The following GRIA4 variants were observed in gnomAD, a reference collection of about 807,000 sequenced individuals.
The protein encoded by GRIA4 is glutamate receptor 4.
GRIA4 carries 34 observed loss-of-function variants against 104.0 expected under a neutral mutation model. The observed-to-expected ratio is 0.33, with a 90% CI of 0.25 to 0.44. The LOEUF is 0.44. Among genes scored for constraint, GRIA4 ranks in the 20% least tolerant of loss-of-function variants. The probability of loss-of-function intolerance (pLI) is 1.00; values close to 1 mark genes in which losing one functional copy is unlikely to be tolerated. For synonymous variants in GRIA4, 386 were observed against 381.9 expected, an observed-to-expected ratio of 1.01 and a Z score of -0.13; for missense variants, 750 against 1,096.5, an observed-to-expected ratio of 0.68 and a Z score of 4.46.
chr11:105,932,706 G>A (rs1338952759), intron 13 of GRIA4, among the ~76,000 whole-genome samples: 1 of 152,014 alleles, frequency 6.6e-6, no homozygotes, highest in East Asian at 1.9e-4. Context: ...TGGAAAATAG[G>A]AATCACTTCT....
At chr11:105,618,845 G>T (rs1362446555) in intron 3 of GRIA4, among the ~76,000 whole-genome samples, 1 of 151,828 alleles carries the variant, frequency 6.6e-6, no homozygotes, top group Non-Finnish European at 1.5e-5. Context: ...GAGGGGAAGA[G>T]AGAGGAAACA....
intron 4 of GRIA4, among the ~76,000 whole-genome samples, chr11:105,845,827 C>T (rs1241503203): frequency 6.6e-6 from 1 of 152,082 alleles, no homozygotes; most frequent in Non-Finnish European, 1.5e-5. Context: ...GGAGTCGGAG[C>T]TTGCAGTGAG....
At chr11:105,807,146 T>C (rs1430756159) in intron 4 of GRIA4, among the ~76,000 whole-genome samples, 1 of 151,836 alleles carries the variant, frequency 6.6e-6, no homozygotes, top group Non-Finnish European at 1.5e-5. Context: ...TTTATGTCAT[T>C]ATGTAATTTA....
chr11:105,979,744 C>T lies in GRIA4; in HGVS notation c.*5C>T. On this transcript the variant is annotated 3_prime_UTR_variant, in exon 17 of 17. Transcript: ENST00000282499. ...ATTGCATCGGACCTACCATAAAAAC[C>T]AAAAAAATAATTGAGTGCCTTAATT... The T allele has an allele frequency of 6.2e-7, 1 of 1,605,424 alleles. No homozygotes were observed. Among genetic ancestry groups the T allele is most frequent in the Non-Finnish European group, 8.5e-7 (1 of 1,175,094 alleles).
intron 3 of GRIA4, among the ~76,000 whole-genome samples, chr11:105,648,669 G>T (rs1454890633): frequency 6.6e-6 from 1 of 152,052 alleles, no homozygotes; most frequent in African/African-American, 2.4e-5. Context: ...GAAATCGAGA[G>T]AGGCTAAAAG....
At chr11:105,756,177 C>T (rs1035614072) in intron 4 of GRIA4, among the ~76,000 whole-genome samples, 22 of 152,126 alleles carry the variant, frequency 1.4e-4, no homozygotes, top group African/African-American at 5.1e-4. Context: ...GCAGATATCT[C>T]CAAGGAATAT....
intron 3 of GRIA4, among the ~76,000 whole-genome samples, chr11:105,727,057 G>A (rs1938256522): frequency 6.6e-6 from 1 of 152,008 alleles, no homozygotes; most frequent in Non-Finnish European, 1.5e-5. Flanking sequence ...ACAGAAGTAG[G>A]CTTTAGAAGG....
Position 105,787,472 on chromosome 11 carries a change from CTTTTTTTTT to C in GRIA4, c.487+34265_487+34273del, listed in dbSNP as rs67901321. On this transcript the variant is annotated intron_variant, in intron 4 of 16. Coordinates refer to ENST00000282499, the MANE Select transcript of GRIA4 (RefSeq NM_000829.4). ...GCAGTCTAAAAGATGTAAAGAATTCCTTTTTTTTTTTTTTTTTTTTTGAGATGGAGTCTT... is the reference window on the plus strand; with the variant it reads ...GCAGTCTAAAAGATGTAAAGAATTCCTTTTTTTTTTTTGAGATGGAGTCTT... Among the ~76,000 whole-genome samples the C allele has an allele frequency of 9.1e-5, 9 of 98,618 alleles. 1 individual carries two copies. In the South Asian group the frequency reaches 2.2e-3, roughly 24 times the overall value. The allele number at this position is 98,618 out of a possible 152,430, so 64.7% of individuals were successfully genotyped here.
chr11:105,641,068 T>C (rs924997427), intron 3 of GRIA4, among the ~76,000 whole-genome samples: 9 of 152,246 alleles, frequency 5.9e-5, no homozygotes, highest in Non-Finnish European at 1.3e-4. Flanking sequence ...TGAGCACTTA[T>C]AATGTTTATG....
intron 14 of GRIA4, among the ~76,000 whole-genome samples, chr11:105,952,040 C>A (rs1392134466): frequency 1.3e-5 from 2 of 152,154 alleles, no homozygotes; most frequent in African/African-American, 2.4e-5. Context: ...GAGGCTAGTA[C>A]TTTGGAAATC....
At chr11:105,851,274 T>A (rs1391811877) in intron 4 of GRIA4, among the ~76,000 whole-genome samples, 1 of 152,008 alleles carries the variant, frequency 6.6e-6, no homozygotes, top group Non-Finnish European at 1.5e-5. Context: ...CTTTCCTTTG[T>A]GTGAAAAAAA....
At chr11:105,946,056 GA>G (rs1436390240) in intron 14 of GRIA4, among the ~76,000 whole-genome samples, 2 of 152,100 alleles carry the variant, frequency 1.3e-5, no homozygotes, top group Non-Finnish European at 2.9e-5. Context: ...GGTGCCATAG[GA>G]AAACTGTGGT....
intron 3 of GRIA4, among the ~76,000 whole-genome samples, chr11:105,665,353 G>T (rs181764709): frequency 1.3e-5 from 2 of 151,888 alleles, no homozygotes; most frequent in Non-Finnish European, 2.9e-5. Flanking sequence ...TAAAGAAACT[G>T]AGCCCCTGAA....
chr11:105,729,578 T>C (rs911489219), intron 3 of GRIA4, among the ~76,000 whole-genome samples: 5 of 152,174 alleles, frequency 3.3e-5, no homozygotes, highest in African/African-American at 4.8e-5. Flanking sequence ...CAGGCCAATA[T>C]ACCTGATGAA....
chr11:105,951,239 C>T (rs565024247), intron 14 of GRIA4, among the ~76,000 whole-genome samples: 1 of 152,292 alleles, frequency 6.6e-6, no homozygotes, highest in Admixed American at 6.5e-5. Flanking sequence ...GGAGTCCACA[C>T]AGCAAATCCT....
At chr11:105,929,458 T>C (rs955470853) in intron 13 of GRIA4, among the ~76,000 whole-genome samples, 1 of 152,134 alleles carries the variant, frequency 6.6e-6, no homozygotes. Flanking sequence ...TTATGTGCCA[T>C]GGTGAGCCTA....
At chr11:105,800,250 G>C (rs1248663527) in intron 4 of GRIA4, among the ~76,000 whole-genome samples, 1 of 152,016 alleles carries the variant, frequency 6.6e-6, no homozygotes, top group Non-Finnish European at 1.5e-5. Context: ...ATGAGAGTGA[G>C]TGACTACAGT....
chr11:105,956,684 C>A (rs1317786630), intron 14 of GRIA4, among the ~76,000 whole-genome samples: 1 of 152,220 alleles, frequency 6.6e-6, no homozygotes, highest in Non-Finnish European at 1.5e-5. Flanking sequence ...AATCGCCACA[C>A]TGTCTTCCAC....
chr11:105,735,723 A>G (rs1010817123), intron 3 of GRIA4, among the ~76,000 whole-genome samples: 3 of 152,144 alleles, frequency 2.0e-5, no homozygotes, highest in African/African-American at 4.8e-5. Context: ...TTCCTCTGTA[A>G]AAGGGAAGAA....
Sources: gnomAD v4.1 joint callset for allele counts (sites outside exome capture counted in the v4.1 genomes callset) on GRCh38, gnomAD v4.1.1 for gene constraint, MANE v1.5 for transcripts, NCBI Gene and HGNC (gene_info 2026-07-23, HGNC 2026-07-21) for gene names.